Variants in CA10 observed in about 807,000 individuals in gnomAD.
CA10 encodes carbonic anhydrase 10 (inactive), also known as carbonic anhydrase-related protein 10.
Under a neutral mutation model 44.2 loss-of-function variants are expected in CA10, and 14 were observed. The observed-to-expected ratio is 0.32, with a 90% CI of 0.21 to 0.50. The LOEUF is 0.50. Among genes scored for constraint, CA10 ranks in the 20% least tolerant of loss-of-function variants. CA10 has a pLI of 0.99. For synonymous variants in CA10, 159 were observed against 141.6 expected (o/e 1.12, Z -0.87); for missense variants, 350 against 409.7 (o/e 0.85, Z 1.26).
intron 3 of CA10, among the ~76,000 whole-genome samples, chr17:51,886,290 C>G (rs1980596669): frequency 6.6e-6 from 1 of 152,192 alleles, no homozygotes; most frequent in South Asian, 2.1e-4. Flanking sequence ...ACTATAAAAA[C>G]TTCCTGGAGT....
chr17:51,803,549 T>G (rs1055633271), intron 3 of CA10, among the ~76,000 whole-genome samples: 3 of 152,198 alleles, frequency 2.0e-5, no homozygotes, highest in Non-Finnish European at 2.9e-5. Context: ...ATTTCTACCT[T>G]TTTTGGGTGG....
chr17:51,687,274 T>A (rs1248413209), intron 4 of CA10, among the ~76,000 whole-genome samples: 1 of 152,246 alleles, frequency 6.6e-6, no homozygotes, highest in East Asian at 1.9e-4. Flanking sequence ...GTCATTTAGA[T>A]GACACCATAA....
At chr17:52,079,823 A>T in intron 1 of CA10, among the ~76,000 whole-genome samples, 1 of 152,210 alleles carries the variant, frequency 6.6e-6, no homozygotes, top group East Asian at 1.9e-4. Flanking sequence ...AAGATGTGTC[A>T]TACCTGGAAC....
chr17:52,045,333 A>G (rs182925636), intron 2 of CA10, among the ~76,000 whole-genome samples: 1 of 152,128 alleles, frequency 6.6e-6, no homozygotes, highest in Non-Finnish European at 1.5e-5. Flanking sequence ...CTAAAATCGT[A>G]TAGAAAATGA....
intron 3 of CA10, among the ~76,000 whole-genome samples, chr17:51,836,950 C>T (rs1387292628): frequency 6.6e-6 from 1 of 151,768 alleles, no homozygotes; most frequent in African/African-American, 2.4e-5. Flanking sequence ...CTTGGCAGGG[C>T]ATAAGGAGTA....
chr17:52,034,061 T>G (rs1024646135), intron 2 of CA10, among the ~76,000 whole-genome samples: 1 of 152,158 alleles, frequency 6.6e-6, no homozygotes, highest in African/African-American at 2.4e-5. Context: ...TAGTCAAGGG[T>G]ACAAAGCACT....
chr17:52,119,665 A>G (rs940457440), intron 1 of CA10, among the ~76,000 whole-genome samples: 5 of 152,236 alleles, frequency 3.3e-5, no homozygotes, highest in Admixed American at 2.6e-4. Flanking sequence ...TGAAAGGCCT[A>G]TGTAAAAATA....
intron 4 of CA10, among the ~76,000 whole-genome samples, chr17:51,741,033 C>G (rs1189034064): frequency 3.3e-5 from 5 of 152,196 alleles, no homozygotes; most frequent in African/African-American, 1.2e-4. Context: ...AAGCACCTTA[C>G]AGGTAGACAT....
At chr17:51,822,253 A>G (rs748377693) in intron 3 of CA10, among the ~76,000 whole-genome samples, 4 of 152,014 alleles carry the variant, frequency 2.6e-5, no homozygotes, top group Non-Finnish European at 4.4e-5. Flanking sequence ...CTCTGTCTCT[A>G]CTAATAATAC....
chr17:51,773,399 T>G (rs543024097), intron 3 of CA10, among the ~76,000 whole-genome samples: 2 of 152,324 alleles, frequency 1.3e-5, no homozygotes, highest in South Asian at 4.1e-4. Flanking sequence ...TGAGGCTTTG[T>G]GGGCTAGTCA....
intron 3 of CA10, among the ~76,000 whole-genome samples, chr17:51,790,380 C>T (rs907571869): frequency 2.0e-5 from 3 of 152,248 alleles, no homozygotes; most frequent in Non-Finnish European, 2.9e-5. Context: ...CTCTGAGTTG[C>T]AGTTAATAAA....
intron 3 of CA10, among the ~76,000 whole-genome samples, chr17:51,913,598 G>A (rs544066412): frequency 6.6e-6 from 1 of 152,044 alleles, no homozygotes; most frequent in Admixed American, 6.6e-5. Flanking sequence ...CTGTCATGAT[G>A]GGAGTAGCTG....
chr17:52,156,995 CCT>C (rs2143428552), intron 1 of CA10, among the ~76,000 whole-genome samples: 1 of 152,292 alleles, frequency 6.6e-6, no homozygotes, highest in East Asian at 1.9e-4. Context: ...ACAAGCCCAA[CCT>C]CTTTCACCTC....
chr17:52,131,217 C>T (rs1403038607), intron 1 of CA10, among the ~76,000 whole-genome samples: 1 of 152,084 alleles, frequency 6.6e-6, no homozygotes, highest in Non-Finnish European at 1.5e-5. Context: ...TCTGTCTCTA[C>T]TTTCTTTGAA....
intron 1 of CA10, among the ~76,000 whole-genome samples, chr17:52,097,909 C>G (rs143787628): frequency 3.3e-4 from 50 of 152,308 alleles, no homozygotes; most frequent in African/African-American, 1.1e-3. Flanking sequence ...TTCTATAAAA[C>G]TTGCCTGCAA....
intron 2 of CA10, among the ~76,000 whole-genome samples, chr17:52,038,402 G>A (rs537285181): frequency 6.6e-6 from 1 of 152,282 alleles, no homozygotes; most frequent in African/African-American, 2.4e-5. Flanking sequence ...TGCCCAAATA[G>A]AGCAGCTTAT....
chr17:51,850,345 T>C lies in CA10; in HGVS notation c.279+80645A>G, dbSNP rs112999996. Among the ~76,000 whole-genome samples the C allele has an allele frequency of 1.0e-2, 1,518 of 152,310 alleles. 29 individuals carry two copies. The highest frequency in any genetic ancestry group is 0.035 in the African/African-American group (1,462 of 41,556). On this transcript the variant is annotated intron_variant, in intron 3 of 8. Transcript: ENST00000451037. ...TTAACCCATGCTAGTCAAATGGTCT[T>C]GGAATAATCCACCGAACTTACAAAG...
At chr17:51,790,871 A>G (rs1906495297) in intron 3 of CA10, among the ~76,000 whole-genome samples, 1 of 152,180 alleles carries the variant, frequency 6.6e-6, no homozygotes, top group Non-Finnish European at 1.5e-5. Context: ...CACCACCTTC[A>G]ATATTATCTC....
chr17:52,003,806 T>G (rs1443108313), intron 2 of CA10, among the ~76,000 whole-genome samples: 2 of 151,896 alleles, frequency 1.3e-5, no homozygotes, highest in Non-Finnish European at 2.9e-5. Context: ...TTTATCAGCT[T>G]TTACTTTGTT....
Sources: gnomAD v4.1 joint callset for allele counts (sites outside exome capture counted in the v4.1 genomes callset) on GRCh38, gnomAD v4.1.1 for gene constraint, MANE v1.5 for transcripts, NCBI Gene and HGNC (gene_info 2026-07-23, HGNC 2026-07-21) for gene names.